Variants in TBC1D22A observed in about 807,000 individuals in gnomAD.
TBC1D22A encodes TBC1 domain family member 22A.
TBC1D22A carries 38 observed loss-of-function variants against 60.2 expected under a neutral mutation model. The ratio of observed to expected loss-of-function variants is 0.63; its 90% CI spans 0.49 to 0.83. The LOEUF (loss-of-function observed/expected upper bound fraction) is 0.83. Among genes scored for constraint, TBC1D22A ranks in the 40% least tolerant of loss-of-function variants. The pLI, the probability that TBC1D22A is intolerant of heterozygous loss-of-function variation, is 0.00. For synonymous variants in TBC1D22A, 302 were observed against 281.7 expected, an observed-to-expected ratio of 1.07 and a Z score of -0.72; for missense variants, 628 against 701.0, an observed-to-expected ratio of 0.90 and a Z score of 1.18.
At chr22:46,916,639 A>G (rs2070386200) in intron 8 of TBC1D22A, among the ~76,000 whole-genome samples, 1 of 152,228 alleles carries the variant, frequency 6.6e-6, no homozygotes, top group Admixed American at 6.5e-5. Context: ...CAAATGGGGA[A>G]CAAATCTGTA....
chr22:46,781,024 T>G (rs2146796318), intron 1 of TBC1D22A, among the ~76,000 whole-genome samples: 1 of 152,270 alleles, frequency 6.6e-6, no homozygotes, highest in Non-Finnish European at 1.5e-5. Context: ...AGGGACCCAT[T>G]CTCTTTCTCT....
chr22:47,056,096 G>A (rs1236662697), intron 11 of TBC1D22A, among the ~76,000 whole-genome samples: 1 of 152,096 alleles, frequency 6.6e-6, no homozygotes, highest in Non-Finnish European at 1.5e-5. Flanking sequence ...CCCTTGTCTT[G>A]GGTCTGTTTG....
At chr22:47,099,236 G>A (rs2065311959) in intron 11 of TBC1D22A, among the ~76,000 whole-genome samples, 1 of 152,178 alleles carries the variant, frequency 6.6e-6, no homozygotes, top group Non-Finnish European at 1.5e-5. Flanking sequence ...AGAGGGAAGG[G>A]CCTGGCTGAG....
chr22:46,818,703 G>A (rs1328556392), intron 4 of TBC1D22A, among the ~76,000 whole-genome samples: 1 of 152,160 alleles, frequency 6.6e-6, no homozygotes, highest in Non-Finnish European at 1.5e-5. Flanking sequence ...CTTTTTGCTA[G>A]GATTGTCTTG....
chr22:46,979,807 A>G (rs1396122657), intron 9 of TBC1D22A, among the ~76,000 whole-genome samples: 1 of 152,122 alleles, frequency 6.6e-6, no homozygotes, highest in Non-Finnish European at 1.5e-5. Flanking sequence ...AGGAAGGTGA[A>G]TCATGCCTTC....
chr22:46,866,303 C>T (rs2067051244), intron 4 of TBC1D22A, among the ~76,000 whole-genome samples: 1 of 152,124 alleles, frequency 6.6e-6, no homozygotes, highest in South Asian at 2.1e-4. Context: ...GGAGTTTCAC[C>T]ATGTTGGGTC....
intron 9 of TBC1D22A, among the ~76,000 whole-genome samples, chr22:46,983,147 G>C (rs148372619): frequency 5.3e-4 from 81 of 152,332 alleles, no homozygotes; most frequent in African/African-American, 1.9e-3. Context: ...GTATTTTGTG[G>C]TGCAATGGGT....
intron 2 of TBC1D22A, 166 bp downstream of exon 2, chr22:46,792,742 C>A: frequency 1.3e-6 from 2 of 1,507,696 alleles, no homozygotes; most frequent in South Asian, 1.3e-5. Context: ...AGATACTGTG[C>A]ACCCCGTGCT....
At chr22:47,088,277 AG>A (rs1402696827) in intron 11 of TBC1D22A, among the ~76,000 whole-genome samples, 7 of 152,152 alleles carry the variant, frequency 4.6e-5, no homozygotes, top group Non-Finnish European at 7.4e-5. Flanking sequence ...GGCTCCTTAG[AG>A]AAATGTTTGA....
chr22:46,963,917 A>G (rs549103789), intron 8 of TBC1D22A, among the ~76,000 whole-genome samples: 14 of 152,138 alleles, frequency 9.2e-5, no homozygotes, highest in East Asian at 3.9e-4. Flanking sequence ...CTGGCTGGCC[A>G]CTGTTCCTTC....
chr22:47,004,032 C>T (rs2061494308), intron 10 of TBC1D22A, among the ~76,000 whole-genome samples: 1 of 150,514 alleles, frequency 6.6e-6, no homozygotes, highest in Admixed American at 6.6e-5. Flanking sequence ...TATACACACA[C>T]CTACAGATGC....
chr22:47,018,672 G>A (rs545943700), intron 10 of TBC1D22A, among the ~76,000 whole-genome samples: 28 of 152,248 alleles, frequency 1.8e-4, no homozygotes, highest in East Asian at 1.5e-3. Context: ...CTAAAGATGC[G>A]TGAGCTGGGA....
At chr22:47,136,326 C>T (rs2066871320) in intron 12 of TBC1D22A, among the ~76,000 whole-genome samples, 1 of 152,234 alleles carries the variant, frequency 6.6e-6, no homozygotes, top group South Asian at 2.1e-4. Flanking sequence ...CCCCAGGATT[C>T]AGCCGGTCTC....
chr22:46,977,928 T>G (rs981051427), intron 9 of TBC1D22A, among the ~76,000 whole-genome samples: 9 of 152,206 alleles, frequency 5.9e-5, no homozygotes, highest in Non-Finnish European at 8.8e-5. Flanking sequence ...GGGATTACAA[T>G]TCAACATGAG....
chr22:47,153,672 G>A (rs1460704651), intron 12 of TBC1D22A, among the ~76,000 whole-genome samples: 1 of 152,218 alleles, frequency 6.6e-6, no homozygotes, highest in African/African-American at 2.4e-5. Flanking sequence ...TTTGCAGGAT[G>A]CCTAGGAGGT....
chr22:47,100,812 G>A (rs2065384839), intron 11 of TBC1D22A, among the ~76,000 whole-genome samples: 1 of 152,156 alleles, frequency 6.6e-6, no homozygotes, highest in Admixed American at 6.5e-5. Context: ...CATACAAGGG[G>A]TGAGGTGGGC....
intron 12 of TBC1D22A, among the ~76,000 whole-genome samples, chr22:47,170,838 C>T (rs1262067945): frequency 1.6e-5 from 2 of 122,936 alleles, no homozygotes; most frequent in Non-Finnish European, 3.5e-5. Context: ...TGGTGTGTAA[C>T]CCTCCTGATG....
At chr22:47,091,225 G>T (rs562325490) in intron 11 of TBC1D22A, among the ~76,000 whole-genome samples, 71 of 129,852 alleles carry the variant, frequency 5.5e-4, no homozygotes, top group Admixed American at 7.3e-4. Context: ...AGACAGGCAG[G>T]AGAAGTCATC....
At position 46,899,428 on chromosome 22, in the gene TBC1D22A, CAG is replaced by C. The variant is rs1177538401; in HGVS notation, c.900+4585_900+4586del. 6.0e-5 allele frequency among the ~76,000 whole-genome samples: 9 copies of C among 149,216 alleles called. No homozygotes were observed. The East Asian group carries it at 1.6e-3, about 26-fold the overall frequency. On this transcript the variant is annotated intron_variant, in intron 7 of 12. Transcript: ENST00000337137. ...CGCCACTGCACTCCAGCCTGGGTGA[CAG>C]AGCAATACTTCGTCTCAAAAAAAAA...
Sources: gnomAD v4.1 joint callset for allele counts (sites outside exome capture counted in the v4.1 genomes callset) on GRCh38, gnomAD v4.1.1 for gene constraint, MANE v1.5 for transcripts, NCBI Gene and HGNC (gene_info 2026-07-23, HGNC 2026-07-21) for gene names.